The following SLC35F3 variants were observed in gnomAD, a reference collection of about 807,000 sequenced individuals.
The protein encoded by SLC35F3 is putative thiamine transporter SLC35F3.
Under a neutral mutation model 49.9 loss-of-function variants are expected in SLC35F3, and 25 were observed. The ratio of observed to expected loss-of-function variants is 0.50; its 90% CI spans 0.37 to 0.70. SLC35F3 has a LOEUF of 0.70. Ranked by LOEUF, SLC35F3 falls within the 30% of genes least tolerant of loss-of-function variation. SLC35F3 has a pLI of 0.00. For missense variants in SLC35F3, 525 were observed against 639.8 expected, an observed-to-expected ratio of 0.82 and a Z score of 1.94; for synonymous variants, 275 against 265.4, an observed-to-expected ratio of 1.04 and a Z score of -0.35.
chr1:233,906,007 C>T (rs557941267), intron 2 of SLC35F3, among the ~76,000 whole-genome samples: 5 of 152,258 alleles, frequency 3.3e-5, no homozygotes, highest in South Asian at 2.1e-4. Flanking sequence ...GTATCCTTAT[C>T]TCTCCACTGC....
At chr1:234,321,150 C>T (rs568600111) in intron 7 of SLC35F3, among the ~76,000 whole-genome samples, 27 of 152,094 alleles carry the variant, frequency 1.8e-4, no homozygotes, top group African/African-American at 6.0e-4. Flanking sequence ...GGTTTCCCAC[C>T]GCTCCCATTC....
intron 2 of SLC35F3, among the ~76,000 whole-genome samples, chr1:234,150,819 C>G (rs894570210): frequency 1.1e-4 from 17 of 152,210 alleles, no homozygotes; most frequent in African/African-American, 3.9e-4. Context: ...CACCAGCAAG[C>G]CACAGGGCCT....
At chr1:234,104,002 AC>A (rs1393449742) in intron 2 of SLC35F3, among the ~76,000 whole-genome samples, 1 of 152,178 alleles carries the variant, frequency 6.6e-6, no homozygotes, top group Admixed American at 6.5e-5. Flanking sequence ...AAGTCAGCTG[AC>A]CCACCACAAG....
At chr1:234,003,315 C>T (rs542610984) in intron 2 of SLC35F3, among the ~76,000 whole-genome samples, 1 of 152,254 alleles carries the variant, frequency 6.6e-6, no homozygotes, top group African/African-American at 2.4e-5. Context: ...GGTGTTATGT[C>T]ACTTTTACAG....
chr1:234,026,122 A>G (rs73100481), intron 2 of SLC35F3, among the ~76,000 whole-genome samples: 11,991 of 152,018 alleles, frequency 0.079, 1,264 homozygotes, highest in African/African-American at 0.24. Context: ...GTAGGGCTTT[A>G]TTTCTGGGCT....
At chr1:234,186,330 T>G (rs1666643304) in intron 2 of SLC35F3, among the ~76,000 whole-genome samples, 1 of 152,234 alleles carries the variant, frequency 6.6e-6, no homozygotes, top group African/African-American at 2.4e-5. Flanking sequence ...AAGTGAACTT[T>G]AACAACTGAC....
intron 2 of SLC35F3, among the ~76,000 whole-genome samples, chr1:233,988,521 C>T (rs752919249): frequency 1.3e-5 from 2 of 152,158 alleles, no homozygotes; most frequent in African/African-American, 4.8e-5. Context: ...TGGTGCTATT[C>T]GTGTCTGAGC....
intron 2 of SLC35F3, among the ~76,000 whole-genome samples, chr1:234,105,844 A>G (rs1665277111): frequency 6.6e-6 from 1 of 152,196 alleles, no homozygotes; most frequent in African/African-American, 2.4e-5. Flanking sequence ...CAGCTAATAA[A>G]ACGTAAATGG....
chr1:234,079,782 A>G (rs967519106), intron 2 of SLC35F3, among the ~76,000 whole-genome samples: 1 of 152,212 alleles, frequency 6.6e-6, no homozygotes, highest in East Asian at 1.9e-4. Context: ...ACGAGGATAT[A>G]GAGAAATCGG....
chr1:234,306,453 G>T (rs1195881038), intron 3 of SLC35F3: 2 of 153,204 alleles, frequency 1.3e-5, no homozygotes, highest in South Asian at 2.1e-4. Context: ...CACCGCTGCC[G>T]GCCAATATTA....
intron 2 of SLC35F3, among the ~76,000 whole-genome samples, chr1:234,192,857 C>A (rs959744505): frequency 6.6e-6 from 1 of 151,856 alleles, no homozygotes; most frequent in Non-Finnish European, 1.5e-5. Flanking sequence ...CTGCAAAAAT[C>A]AAATAAAATA....
intron 2 of SLC35F3, among the ~76,000 whole-genome samples, chr1:234,147,882 G>C (rs982976618): frequency 3.9e-5 from 6 of 152,222 alleles, no homozygotes; most frequent in African/African-American, 1.4e-4. Context: ...GGATGGACCT[G>C]GTGATTGGCA....
intron 3 of SLC35F3, among the ~76,000 whole-genome samples, chr1:234,240,241 G>A (rs544176870): frequency 3.9e-5 from 6 of 152,184 alleles, no homozygotes; most frequent in African/African-American, 7.2e-5. Flanking sequence ...AGGCTGAGTC[G>A]GGCGGATCAC....
rs1367325167 is a variant in SLC35F3, at chr1:234,267,826, C to G, written c.608+36085C>G. Among the ~76,000 whole-genome samples the G allele has an allele frequency of 3.0e-5, 4 of 131,704 alleles. 1 individual carries two copies. The highest frequency in any genetic ancestry group is 6.6e-5 in the Non-Finnish European group (4 of 60,950). The allele number at this position is 131,704 out of a possible 152,430, so 86.4% of individuals were successfully genotyped here. A position where few individuals can be genotyped will look rare whatever the true frequency, so the allele number is the denominator to read the frequency against. ...TCCTCACCTCCCAGACAGGGTTGCG[C>G]CCAGCAGAGGCGCTCCTCACATCCC... On this transcript the variant is annotated intron_variant, in intron 3 of 7. Coordinates refer to ENST00000366618, the MANE Select transcript of SLC35F3 (RefSeq NM_173508.4).
At chr1:233,932,621 A>G (rs1179309694) in intron 2 of SLC35F3, among the ~76,000 whole-genome samples, 1 of 152,208 alleles carries the variant, frequency 6.6e-6, no homozygotes, top group African/African-American at 2.4e-5. Flanking sequence ...TTTGCTAGCT[A>G]TGTTATACCA....
chr1:234,291,108 T>C (rs1668499986), intron 3 of SLC35F3, among the ~76,000 whole-genome samples: 1 of 152,186 alleles, frequency 6.6e-6, no homozygotes, highest in Admixed American at 6.5e-5. Context: ...TTGGGTCACA[T>C]GCCTGTTCGC....
intron 2 of SLC35F3, among the ~76,000 whole-genome samples, chr1:234,148,586 T>C (rs1666029159): frequency 6.6e-6 from 1 of 152,146 alleles, no homozygotes; most frequent in Non-Finnish European, 1.5e-5. Context: ...GAGGGAATTT[T>C]TACAACAGTG....
chr1:234,036,458 A>G (rs947783017), intron 2 of SLC35F3, among the ~76,000 whole-genome samples: 4 of 152,296 alleles, frequency 2.6e-5, no homozygotes, highest in Middle Eastern at 6.8e-3. Context: ...CTCTTCCAGT[A>G]TCCCTCATGG....
At chr1:234,006,234 G>A (rs1663628922) in intron 2 of SLC35F3, among the ~76,000 whole-genome samples, 2 of 152,176 alleles carry the variant, frequency 1.3e-5, no homozygotes, top group South Asian at 4.1e-4. Context: ...TAAATGGCTA[G>A]TTCATATTTG....
Sources: allele counts gnomAD v4.1 joint callset (sites outside exome capture counted in the v4.1 genomes callset), GRCh38; gene constraint gnomAD v4.1.1; transcripts MANE v1.5; gene names NCBI Gene and HGNC (gene_info 2026-07-23, HGNC 2026-07-21).